TINCR: variants seen among roughly 807,000 people sequenced by gnomAD.
TINCR encodes the protein TINCR-encoded ubiquitin-like protein.
intron 1 of TINCR, 48 bp downstream of exon 1, chr19:5,567,617 T>TG: frequency 5.6e-6 from 2 of 360,324 alleles, no homozygotes; most frequent in Non-Finnish European, 4.9e-6. Context: ...TCTCCAGGGG[T>TG]CCCCGGCCGC....
In TINCR at chr19:5,563,012, C is replaced by T. The variant is rs1321193618; in HGVS notation, c.261-63G>A. ...TGCAGGAAGAGAGGGAGTTGGGGAC[C>T]TGAGGGAACAGCATTCCAGGCTGAA... On this transcript the variant is annotated intron_variant, in intron 1 of 1. Transcript: ENST00000646160. This position sits in a 1 kb window ranked among gnomAD's most constrained non-coding sequence, Gnocchi z 4.7. 1 of 152,222 alleles carries T rather than the reference C, an allele frequency of 6.6e-6. No homozygotes were observed. The highest frequency in any genetic ancestry group is 6.6e-5 in the Admixed American group (1 of 15,214). The allele number at this position is 152,222 out of a possible 1,614,324, so 9.4% of individuals were successfully genotyped here. A position where few individuals can be genotyped will look rare whatever the true frequency, so the allele number is the denominator to read the frequency against.
intron 1 of TINCR, among the ~76,000 whole-genome samples, chr19:5,567,033 G>C (rs1017332493): frequency 1.3e-5 from 2 of 151,860 alleles, no homozygotes; most frequent in African/African-American, 4.8e-5. Context: ...GAGATGGAGA[G>C]AGACACACAG....
At chr19:5,567,444 AGCAGAGACAGAAACAG>A (rs1224105386) in intron 1 of TINCR, among the ~76,000 whole-genome samples, 1 of 152,256 alleles carries the variant, frequency 6.6e-6, no homozygotes, top group African/African-American at 2.4e-5. Flanking sequence ...GCAGAAAAAC[AGCAGAGACAGAAACAG>A]GCAGAGAAAC....
chr19:5,559,915 CTCAG>C (rs967545147), downstream of TINCR: 1 of 152,300 alleles, frequency 6.6e-6, no homozygotes, highest in African/African-American at 2.4e-5. Context: ...CTCCTTGGGC[CTCAG>C]GCTACCCTCT....
At chr19:5,558,371 T>G (rs532440092), downstream of TINCR, 14 of 152,124 alleles carry the variant, frequency 9.2e-5, no homozygotes, top group Admixed American at 3.3e-4. Context: ...AGGCTCTCCT[T>G]GAAGGATAAG....
chr19:5,567,592 C>T, intron 1 of TINCR, 73 bp downstream of exon 1: 1 of 373,048 alleles, frequency 2.7e-6, no homozygotes, highest in African/African-American at 2.1e-5. Context: ...CTTGGGCGCC[C>T]GCCTCCCCCG....
exon 1 of TINCR, chr19:5,567,741 G>A (rs2052139261): frequency 8.0e-6 from 3 of 372,842 alleles, no homozygotes; most frequent in African/African-American, 2.1e-5. Flanking sequence ...TCGTCCAGCC[G>A]CCGCGCGTTG....
At chr19:5,559,223 C>G (rs901709942), downstream of TINCR, 1 of 152,234 alleles carries the variant, frequency 6.6e-6, no homozygotes, top group Non-Finnish European at 1.5e-5. Flanking sequence ...TCCACCAGCT[C>G]CCGGCATGGG....
rs537656213 is a variant in TINCR, at chr19:5,565,343, C to T, written c.260+2322G>A. On this transcript the variant is annotated intron_variant, in intron 1 of 1. Transcript: ENST00000646160. The surrounding 1 kb of genome is among the most constrained non-coding windows in gnomAD (Gnocchi z 4.0). ...TTTCCGGAGAGGCGTCCCCCAGTCA[C>T]TGATCCCTCTCCACCTTCCCTGCAT... 6.6e-6 allele frequency among the ~76,000 whole-genome samples: 1 copy of T among 152,312 alleles called. No homozygotes were observed. The highest frequency in any genetic ancestry group is 2.4e-5 in the African/African-American group (1 of 41,570).
intron 1 of TINCR, among the ~76,000 whole-genome samples, chr19:5,566,550 CACAG>C (rs774283975): frequency 6.7e-6 from 1 of 148,650 alleles, no homozygotes; most frequent in Non-Finnish European, 1.5e-5. Flanking sequence ...TGCGCGCACA[CACAG>C]ACAGAACTGG....
intron 1 of TINCR, 54 bp downstream of exon 1, chr19:5,567,611 C>G: frequency 2.7e-6 from 1 of 373,340 alleles, no homozygotes. Context: ...CGCCGCTCTC[C>G]AGGGGTCCCC....
downstream of TINCR, chr19:5,559,974 G>A (rs2052092518): frequency 6.6e-6 from 1 of 152,234 alleles, no homozygotes. Flanking sequence ...GAGCTCCAGG[G>A]GGCACACAGT....
chr19:5,567,842 G>C, exon 1 of TINCR: 1 of 393,988 alleles, frequency 2.5e-6, no homozygotes, highest in Non-Finnish European at 4.5e-6. Context: ...CACGGTCAGC[G>C]GTAGCAGCAG....
downstream of TINCR, among the ~76,000 whole-genome samples, chr19:5,561,893 G>A (rs11670013): frequency 1.0e-2 from 1,515 of 152,228 alleles, 14 homozygotes; most frequent in Non-Finnish European, 0.018. Context: ...TCTGGTCCAC[G>A]TGTTAGTCCA....
At position 5,567,580 on chromosome 19, in the gene TINCR, G is replaced by A. The variant is rs533094523; in HGVS notation, c.260+85C>T. The A allele has an allele frequency of 1.4e-4, 53 of 375,606 alleles. 1 individual carries two copies. The East Asian group carries it at 1.8e-3, about 13-fold the overall frequency. The allele number at this position is 375,606 out of a possible 1,614,324, so 23.3% of individuals were successfully genotyped here. ...GAAAGCAGTGCCGGCCCGGGAGGCC[G>A]CCTTGGGCGCCCGCCTCCCCCGCCG... On this transcript the variant is annotated intron_variant, in intron 1 of 1. Transcript: ENST00000646160.
chr19:5,559,045 T>A (rs576668790), downstream of TINCR: 7 of 152,342 alleles, frequency 4.6e-5, no homozygotes, highest in South Asian at 1.2e-3. Flanking sequence ...AGGTCCAACA[T>A]TATTATTTCA....
At position 5,563,396 on chromosome 19, in the gene TINCR, G is replaced by A. The variant is rs1335740703; in HGVS notation, c.261-447C>T. 1.3e-5 allele frequency among the ~76,000 whole-genome samples: 2 copies of A among 152,202 alleles called. No individual in the cohort carries two copies. Among genetic ancestry groups the A allele is most frequent in the Non-Finnish European group, 2.9e-5 (2 of 68,038 alleles). On this transcript the variant is annotated intron_variant, in intron 1 of 1. Coordinates refer to ENST00000646160, the Ensembl canonical transcript of TINCR. This position sits in a 1 kb window ranked among gnomAD's most constrained non-coding sequence, Gnocchi z 4.7. ...GGATTATGGTTAGACTTTGAAGGCG[G>A]AGCTGATGGAACCAGCTGAAGGACA... is the stretch of plus-strand genomic sequence containing the variant.
downstream of TINCR, chr19:5,561,812 G>C (rs572042073): frequency 2.0e-5 from 3 of 152,280 alleles, no homozygotes; most frequent in South Asian, 6.2e-4. Flanking sequence ...ATTGTAAGGA[G>C]ACAGGTAACA....
chr19:5,564,153 A>G (rs1297661484), intron 1 of TINCR, among the ~76,000 whole-genome samples: 2 of 151,946 alleles, frequency 1.3e-5, no homozygotes, highest in Admixed American at 6.6e-5. Flanking sequence ...GGGGAGGGAG[A>G]AGAGGGGGCC....
Sources: gnomAD v4.1 joint callset for allele counts (sites outside exome capture counted in the v4.1 genomes callset) on GRCh38, gnomAD v4.1.1 for gene constraint, Gnocchi (gnomAD v3.1) non-coding constraint, MANE v1.5 for transcripts, NCBI Gene and HGNC (gene_info 2026-07-23, HGNC 2026-07-21) for gene names.